GSTA4: variants seen among roughly 807,000 people sequenced by gnomAD.
The protein encoded by GSTA4 is glutathione S-transferase A4.
In GSTA4, 15 loss-of-function variants were observed where a neutral mutation model predicts 24.4. The ratio of observed to expected loss-of-function variants is 0.61; its 90% CI spans 0.41 to 0.95. The LOEUF (loss-of-function observed/expected upper bound fraction) is 0.95. GSTA4 is among the 40% of genes least tolerant of loss of function. The pLI, the probability that GSTA4 is intolerant of heterozygous loss-of-function variation, is 0.00. For missense variants in GSTA4, 244 were observed against 262.1 expected (o/e 0.93, Z 0.48); for synonymous variants, 92 against 94.2 (o/e 0.98, Z 0.13).
intron 2 of GSTA4, 30 bp downstream of exon 2, chr6:52,994,127 A>C: frequency 7.0e-7 from 1 of 1,423,046 alleles, no homozygotes; most frequent in Non-Finnish European, 9.9e-7. Flanking sequence ...GCTGTATGAC[A>C]AATCCGTGAA....
At chr6:52,988,620 G>C (rs866213697) in intron 2 of GSTA4, among the ~76,000 whole-genome samples, 1 of 152,016 alleles carries the variant, frequency 6.6e-6, no homozygotes, top group Non-Finnish European at 1.5e-5. Flanking sequence ...AGAGTCGAAG[G>C]CATGAAAAAA....
intron 3 of GSTA4, among the ~76,000 whole-genome samples, chr6:52,986,394 A>G (rs1202734433): frequency 6.6e-6 from 1 of 152,168 alleles, no homozygotes; most frequent in African/African-American, 2.4e-5. Context: ...CTGTTTTTAG[A>G]GAATCTGATC....
rs756599639 is a variant in GSTA4, at chr6:52,987,367, C to T, written c.129G>A (p.Lys43=). The T allele has an allele frequency of 1.3e-6, 2 of 1,591,600 alleles. No individual in the cohort carries two copies. Among genetic ancestry groups the T allele is most frequent in the South Asian group, 2.2e-5 (2 of 89,576 alleles). ...CATTTTCATACTCACCATCCTGCAA[C>T]TTGTACAACTGTTCTTTTGTTTCCA... ...EFLETKEQLY[K]LQDGNHLLFQ... is the part of the protein sequence containing the mutation. Residue 43 remains lysine, a synonymous_variant, in exon 3 of 7, where the codon AAG becomes AAA. Transcript: ENST00000370963.
chr6:52,984,437 G>A (rs371103936), intron 5 of GSTA4, 27 bp downstream of exon 5: 16 of 1,602,806 alleles, frequency 1.0e-5, no homozygotes, highest in Non-Finnish European at 6.8e-6. Flanking sequence ...TGGTTGCTCT[G>A]TGTATGTAGG....
At chr6:52,994,301 C>T (rs1320993867) in intron 1 of GSTA4, 40 bp from the exon 2 acceptor site, 1 of 1,115,582 alleles carries the variant, frequency 9.0e-7, no homozygotes, top group East Asian at 2.4e-5. Context: ...GACCAACAGT[C>T]CCAATTTCGC....
rs947109494 is a variant in GSTA4 at position 52,990,386 on chromosome 6, C to G, written c.88-2978G>C. Among the ~76,000 whole-genome samples, 7 of 152,338 alleles carry G rather than the reference C, an allele frequency of 4.6e-5. 1 individual carries two copies. The highest frequency in any genetic ancestry group is 2.0e-4 in the Admixed American group (3 of 15,312). On this transcript the variant is annotated intron_variant, in intron 2 of 6. Transcript: ENST00000370963. ...CCCGACTGTCTCAGATCTATGTGAG[C>G]ACAAACTTAGCTGGCAAAGAGACGG...
chr6:52,982,491 C>G, intron 6 of GSTA4, 83 bp downstream of exon 6: 1 of 969,546 alleles, frequency 1.0e-6, no homozygotes, highest in Non-Finnish European at 1.6e-6. Context: ...CACACACACA[C>G]TCCCCAAAGC....
At chr6:52,979,742 C>A (rs1763413905) in intron 6 of GSTA4, among the ~76,000 whole-genome samples, 1 of 152,208 alleles carries the variant, frequency 6.6e-6, no homozygotes, top group Non-Finnish European at 1.5e-5. Context: ...AGCACACACA[C>A]AAACATACAT....
intron 3 of GSTA4, 70 bp downstream of exon 3, chr6:52,987,287 C>A: frequency 2.1e-6 from 2 of 931,112 alleles, no homozygotes; most frequent in Non-Finnish European, 3.4e-6. Context: ...ATACTTTTGC[C>A]CTTCCACATA....
At chr6:52,982,475 TACACAC>T in intron 6 of GSTA4, 93 bp downstream of exon 6, 3 of 577,202 alleles carry the variant, frequency 5.2e-6, no homozygotes, top group Non-Finnish European at 8.8e-6. Context: ...ATATTACACA[TACACAC>T]ACACACACAC....
At position 52,984,620 on chromosome 6, in the gene GSTA4, G is replaced by A; in HGVS notation, c.273-15C>T. The A allele has an allele frequency of 2.5e-6, 4 of 1,606,920 alleles. No individual in the cohort carries two copies. The highest frequency in any genetic ancestry group is 3.4e-6 in the Non-Finnish European group (4 of 1,176,660). The stretch of plus-strand genomic sequence containing the variant: ...ACATGTCAATCCTTAAAACAAAAAA[G>A]CAGTTGTCTCAGTTTCTCCTCTCTT... On this transcript the variant is annotated splice_polypyrimidine_tract_variant and intron_variant, in intron 4 of 6. Transcript: ENST00000370963.
chr6:52,993,903 C>G (rs1763710947), intron 2 of GSTA4: 1 of 535,524 alleles, frequency 1.9e-6, no homozygotes, highest in Non-Finnish European at 3.4e-6. Context: ...TTCCTTTCTT[C>G]TTATTAATAA....
chr6:52,980,300 G>T (rs1763425286), intron 6 of GSTA4, among the ~76,000 whole-genome samples: 1 of 125,882 alleles, frequency 7.9e-6, no homozygotes, highest in East Asian at 2.8e-4. Context: ...TGCCTGGAAA[G>T]ATTTCACTTT....
At chr6:52,994,839 G>T (rs769942691) in intron 1 of GSTA4, among the ~76,000 whole-genome samples, 4 of 152,130 alleles carry the variant, frequency 2.6e-5, no homozygotes, top group Non-Finnish European at 4.4e-5. Context: ...AGGGAGATGA[G>T]CCCCCGGCCT....
chr6:52,987,429 C>T (rs369562441), intron 2 of GSTA4, 21 bp from the exon 3 acceptor site: 145 of 1,250,408 alleles, frequency 1.2e-4, no homozygotes, highest in East Asian at 4.2e-4. Context: ...AAAAAAGAAA[C>T]GTATATATAC....
intron 4 of GSTA4, 34 bp downstream of exon 4, chr6:52,985,417 G>C (rs370426589): frequency 1.2e-5 from 20 of 1,601,502 alleles, no homozygotes; most frequent in Non-Finnish European, 1.7e-5. Flanking sequence ...TCAGTAAGCT[G>C]ACAAGTGACA....
chr6:52,991,945 C>A (rs891689255), intron 2 of GSTA4, among the ~76,000 whole-genome samples: 20 of 151,874 alleles, frequency 1.3e-4, no homozygotes, highest in African/African-American at 3.9e-4. Flanking sequence ...TTGGGAGAGA[C>A]GGGGTTTCAC....
Position 52,984,455 on chromosome 6 carries a change from G to A in GSTA4, c.414+9C>T, listed in dbSNP as rs1342824980. The A allele has an allele frequency of 2.5e-6, 4 of 1,610,044 alleles. No individual in the cohort carries two copies. Among genetic ancestry groups the A allele is most frequent in the Non-Finnish European group, 2.5e-6 (3 of 1,178,622 alleles). ...TTGCTCTGTGTATGTAGGCATCTCT[G>A]CCACCTACCTTTTCAAACACAGGAA... On this transcript the variant is annotated intron_variant, in intron 5 of 6. Coordinates refer to ENST00000370963, the MANE Select transcript of GSTA4 (RefSeq NM_001512.4).
chr6:52,987,707 A>C (rs1436874663), intron 2 of GSTA4: 2 of 257,060 alleles, frequency 7.8e-6, no homozygotes, highest in Non-Finnish European at 1.5e-5. Context: ...AGACAGAAGA[A>C]ATAAAATCTA....
Sources: allele counts gnomAD v4.1 joint callset (sites outside exome capture counted in the v4.1 genomes callset), GRCh38; gene constraint gnomAD v4.1.1; transcripts MANE v1.5; gene names NCBI Gene and HGNC (gene_info 2026-07-23, HGNC 2026-07-21).